Variants in PARD3B observed in about 807,000 individuals in gnomAD.
PARD3B encodes the protein par-3 family cell polarity regulator beta, also known as partitioning defective 3 homolog B.
Under a neutral mutation model 130.2 loss-of-function variants are expected in PARD3B, and 103 were observed. The ratio of observed to expected loss-of-function variants is 0.79; its 90% CI spans 0.67 to 0.93. PARD3B has a LOEUF of 0.93. Among genes scored for constraint, PARD3B ranks in the 40% least tolerant of loss-of-function variants. The pLI is 0.00. For synonymous variants in PARD3B, 583 were observed against 553.2 expected, an observed-to-expected ratio of 1.05 and a Z score of -0.76; for missense variants, 1,609 against 1,499.2, an observed-to-expected ratio of 1.07 and a Z score of -1.21.
At chr2:205,551,579 T>C (rs1023655916) in intron 21 of PARD3B, among the ~76,000 whole-genome samples, 2 of 152,100 alleles carry the variant, frequency 1.3e-5, no homozygotes, top group African/African-American at 4.8e-5. Flanking sequence ...TGATGAAATA[T>C]AAAGAGGTTT....
intron 3 of PARD3B, among the ~76,000 whole-genome samples, chr2:205,043,962 C>G (rs995068271): frequency 6.9e-6 from 1 of 145,982 alleles, no homozygotes; most frequent in Non-Finnish European, 1.5e-5. Flanking sequence ...CCCCCTCCCC[C>G]CAACCCACCA....
At chr2:205,361,876 C>G (rs1052734525) in intron 18 of PARD3B, among the ~76,000 whole-genome samples, 1 of 152,170 alleles carries the variant, frequency 6.6e-6, no homozygotes, top group African/African-American at 2.4e-5. Context: ...TGCCTCTACC[C>G]CACTCATCTT....
chr2:205,093,210 T>C (rs895516963), intron 4 of PARD3B, among the ~76,000 whole-genome samples: 1 of 152,120 alleles, frequency 6.6e-6, no homozygotes, highest in African/African-American at 2.4e-5. Context: ...ATATATTCTA[T>C]TGAAAGTTAA....
At chr2:205,474,336 G>GT (rs1253361165) in intron 20 of PARD3B, among the ~76,000 whole-genome samples, 2 of 151,760 alleles carry the variant, frequency 1.3e-5, no homozygotes, top group Non-Finnish European at 2.9e-5. Flanking sequence ...GTTTCTTCTG[G>GT]TTTTTTGTTT....
At chr2:204,848,282 G>A (rs2125600462) in intron 2 of PARD3B, among the ~76,000 whole-genome samples, 1 of 152,132 alleles carries the variant, frequency 6.6e-6, no homozygotes, top group African/African-American at 2.4e-5. Context: ...GGATAAGGAG[G>A]GACCACTGTT....
At chr2:204,765,896 C>T (rs997319876) in intron 2 of PARD3B, among the ~76,000 whole-genome samples, 15 of 152,160 alleles carry the variant, frequency 9.9e-5, no homozygotes, top group African/African-American at 2.4e-4. Flanking sequence ...TCGAGCCCAT[C>T]GAACTTGCCT....
intron 2 of PARD3B, among the ~76,000 whole-genome samples, chr2:204,917,057 A>C (rs2047473207): frequency 6.6e-6 from 1 of 152,236 alleles, no homozygotes; most frequent in African/African-American, 2.4e-5. Context: ...AGCATGTTGC[A>C]TAGGGTCATA....
chr2:204,659,705 G>A (rs888544728), intron 1 of PARD3B, among the ~76,000 whole-genome samples: 1 of 152,138 alleles, frequency 6.6e-6, no homozygotes, highest in Non-Finnish European at 1.5e-5. Flanking sequence ...GATGTGGTTG[G>A]CACTGTGATC....
At chr2:204,594,201 C>A (rs1044422498) in intron 1 of PARD3B, among the ~76,000 whole-genome samples, 1 of 152,120 alleles carries the variant, frequency 6.6e-6, no homozygotes, top group Non-Finnish European at 1.5e-5. Context: ...CAGGACTGGA[C>A]TCCTGAAAGG....
intron 2 of PARD3B, among the ~76,000 whole-genome samples, chr2:204,932,077 T>C (rs1296043266): frequency 6.6e-6 from 1 of 152,144 alleles, no homozygotes; most frequent in African/African-American, 2.4e-5. Context: ...AAAGGTAAGC[T>C]ACACATTTGG....
At chr2:205,198,577 C>G (rs112866201) in intron 15 of PARD3B, among the ~76,000 whole-genome samples, 1 of 152,136 alleles carries the variant, frequency 6.6e-6, no homozygotes, top group Non-Finnish European at 1.5e-5. Flanking sequence ...CAACTGAGTT[C>G]TCACATCTAC....
intron 2 of PARD3B, among the ~76,000 whole-genome samples, chr2:204,821,897 C>T (rs1258396011): frequency 6.6e-6 from 1 of 151,952 alleles, no homozygotes; most frequent in Non-Finnish European, 1.5e-5. Flanking sequence ...TCAGGTTTGT[C>T]TTTATCAGCA....
intron 3 of PARD3B, among the ~76,000 whole-genome samples, chr2:205,019,240 A>G (rs1427017504): frequency 6.6e-6 from 1 of 152,096 alleles, no homozygotes; most frequent in African/African-American, 2.4e-5. Context: ...GTAATACTGT[A>G]TGTGGTGTGT....
At chr2:204,901,986 CCT>C (rs1475384853) in intron 2 of PARD3B, among the ~76,000 whole-genome samples, 8 of 152,066 alleles carry the variant, frequency 5.3e-5, no homozygotes, top group Non-Finnish European at 7.4e-5. Context: ...AAGACAATGT[CCT>C]CTCTACTCTT....
intron 2 of PARD3B, among the ~76,000 whole-genome samples, chr2:204,922,408 T>C (rs946553401): frequency 3.9e-5 from 6 of 152,108 alleles, no homozygotes; most frequent in African/African-American, 1.4e-4. Flanking sequence ...CTATCACATA[T>C]GGTAGAGGAA....
intron 3 of PARD3B, among the ~76,000 whole-genome samples, chr2:204,976,400 T>C (rs1201904435): frequency 6.6e-6 from 1 of 152,062 alleles, no homozygotes; most frequent in East Asian, 1.9e-4. Context: ...AGGGTAATAT[T>C]ACCTAATTGG....
intron 19 of PARD3B, among the ~76,000 whole-genome samples, chr2:205,415,224 G>T (rs975583789): frequency 6.6e-6 from 1 of 152,064 alleles, no homozygotes; most frequent in South Asian, 2.1e-4. Flanking sequence ...AATTGAATAT[G>T]TTTCTATATA....
chr2:205,282,354 GA>G (rs1488980354), intron 16 of PARD3B, among the ~76,000 whole-genome samples: 2 of 151,804 alleles, frequency 1.3e-5, no homozygotes, highest in Non-Finnish European at 2.9e-5. Context: ...CCTATTGCCA[GA>G]AACTGCCCTA....
chr2:205,452,508 A>G (rs1042694032), intron 20 of PARD3B, among the ~76,000 whole-genome samples: 2 of 152,230 alleles, frequency 1.3e-5, no homozygotes, highest in Non-Finnish European at 2.9e-5. Context: ...TCAATTGAAC[A>G]AAGCAATCAG....
Sources: gnomAD v4.1 joint callset for allele counts (sites outside exome capture counted in the v4.1 genomes callset) on GRCh38, gnomAD v4.1.1 for gene constraint, MANE v1.5 for transcripts, NCBI Gene and HGNC (gene_info 2026-07-23, HGNC 2026-07-21) for gene names.